DAB1: variants seen among roughly 807,000 people sequenced by gnomAD.
DAB1 encodes the protein DAB adaptor protein 1.
In DAB1, 15 loss-of-function variants were observed where a neutral mutation model predicts 64.6. The observed-to-expected ratio is 0.23, with a 90% confidence interval of 0.16 to 0.36. The LOEUF (loss-of-function observed/expected upper bound fraction) is 0.36. Ranked by LOEUF, DAB1 falls within the 10% of genes least tolerant of loss-of-function variation. DAB1 has a pLI of 1.00. For synonymous variants in DAB1, 235 were observed against 251.9 expected (o/e 0.93, Z 0.64); for missense variants, 596 against 706.7 (o/e 0.84, Z 1.78).
At chr1:57,534,776 C>CTGATTTGAAAA (rs1185420196) in intron 7 of DAB1, among the ~76,000 whole-genome samples, 1 of 152,086 alleles carries the variant, frequency 6.6e-6, no homozygotes, top group African/African-American at 2.4e-5. Flanking sequence ...CTTTGAAAAG[C>CTGATTTGAAAA]GTAAATGAGA....
At chr1:57,753,092 C>T (rs1648630405) in intron 6 of DAB1, among the ~76,000 whole-genome samples, 3 of 152,168 alleles carry the variant, frequency 2.0e-5, no homozygotes, top group African/African-American at 7.2e-5. Flanking sequence ...CAGCTGTGTT[C>T]TGCCTGAGTC....
intron 4 of DAB1, among the ~76,000 whole-genome samples, chr1:58,231,253 G>A (rs928714565): frequency 6.6e-6 from 1 of 152,154 alleles, no homozygotes; most frequent in Non-Finnish European, 1.5e-5. Context: ...ATGAAACTTA[G>A]AGCTCTTTCA....
rs1442137880 is a variant in DAB1 at position 57,800,574 on chromosome 1, G to T, written n.551+83425C>A. The stretch of plus-strand genomic sequence containing the variant: ...TTCCCCATGCGATGGTAACACAGAA[G>T]GTGGGAGCTCCAACAGTCAAAATGA... On this transcript the variant is annotated intron_variant and non_coding_transcript_variant, in intron 6 of 20. Transcript: ENST00000485760. Among the ~76,000 whole-genome samples, 6 of 152,310 alleles carry T rather than the reference G, an allele frequency of 3.9e-5. No individual in the cohort carries two copies. The South Asian group carries it at 6.2e-4, about 16-fold the overall frequency.
chr1:57,497,290 T>C (rs1428840989), intron 7 of DAB1, among the ~76,000 whole-genome samples: 1 of 152,260 alleles, frequency 6.6e-6, no homozygotes, highest in Middle Eastern at 3.2e-3. Context: ...ATTTCTTTTC[T>C]ACTATGATGC....
At position 57,769,291 on chromosome 1, in the gene DAB1, T is replaced by C. The variant is rs562966449; in HGVS notation, n.551+114708A>G. Among the ~76,000 whole-genome samples, 8 of 152,280 alleles carry C rather than the reference T, an allele frequency of 5.3e-5. No individual in the cohort carries two copies. The South Asian group carries it at 8.3e-4, about 16-fold the overall frequency. On this transcript the variant is annotated intron_variant and non_coding_transcript_variant, in intron 6 of 20. Coordinates refer to the DAB1 transcript ENST00000485760. Reference sequence around the variant, plus strand: ...ATTCTCCTGTCCTCCTCTGCCCCCATTGACCACAAAGACCAACCACTAGTA... The same window carrying C: ...ATTCTCCTGTCCTCCTCTGCCCCCACTGACCACAAAGACCAACCACTAGTA...
At chr1:57,334,957 C>T (rs570523205) in intron 1 of DAB1, among the ~76,000 whole-genome samples, 3 of 152,120 alleles carry the variant, frequency 2.0e-5, no homozygotes, top group Admixed American at 6.5e-5. Flanking sequence ...TAGCTAGAAA[C>T]CAGAGAACTA....
intron 7 of DAB1, among the ~76,000 whole-genome samples, chr1:57,454,343 T>C (rs1452600272): frequency 6.6e-6 from 1 of 152,176 alleles, no homozygotes; most frequent in Non-Finnish European, 1.5e-5. Context: ...AATGAGATCA[T>C]GTCTTCTGTG....
At chr1:57,441,282 CT>C (rs754971107) in intron 7 of DAB1, among the ~76,000 whole-genome samples, 5 of 37,014 alleles carry the variant, frequency 1.4e-4, no homozygotes, top group African/African-American at 3.1e-4. Flanking sequence ...CTCTTTCTTT[CT>C]TTCTTTCTTT....
At chr1:58,107,984 C>A (rs920060061) in intron 5 of DAB1, among the ~76,000 whole-genome samples, 1 of 152,086 alleles carries the variant, frequency 6.6e-6, no homozygotes, top group East Asian at 1.9e-4. Context: ...ATGGGGAAAT[C>A]TGAAGGACCC....
chr1:57,072,350 C>T lies in DAB1; in HGVS notation c.371G>A (p.Arg124Gln). ...SYIAKDITDHRAFGYVCGKEG... is the reference protein window; with the variant it reads ...SYIAKDITDHQAFGYVCGKEG... ...CTTCCCACAAACATATCCAAAGGCC[C>T]GGTGATCTGTAATGTCCTTTGCAAT... Residue 124 changes from arginine (R) to glutamine (Q), a missense_variant, in exon 5 of 15, where the codon CGG becomes CAG. Around this residue, in one of 3 missense-constraint regions of DAB1, gnomAD observed 176 missense variants for 266.7 expected, o/e 0.66. Coordinates refer to ENST00000371236, the MANE Select transcript of DAB1 (RefSeq NM_001365792.1). 6.2e-7 allele frequency: 1 copy of T among 1,613,736 alleles called. No homozygotes were observed.
intron 3 of DAB1, among the ~76,000 whole-genome samples, chr1:58,435,252 T>C (rs1265812404): frequency 6.6e-6 from 1 of 152,156 alleles, no homozygotes; most frequent in Non-Finnish European, 1.5e-5. Flanking sequence ...TAGAACTTTT[T>C]TTCTGTTCAG....
rs540456648 is a variant in DAB1 at position 57,401,500 on chromosome 1, G to A, written c.-137+22430C>T. Among the ~76,000 whole-genome samples the A allele has an allele frequency of 3.3e-5, 5 of 152,312 alleles. No homozygotes were observed. In the South Asian group the frequency reaches 1.0e-3, roughly 32 times the overall value. On this transcript the variant is annotated intron_variant, in intron 1 of 14. Coordinates refer to ENST00000371236, the MANE Select transcript of DAB1 (RefSeq NM_001365792.1). ...ATCTGTCAAAAGTACAGTAGGAACA[G>A]GGATGGAGAGAGCTTAGGTCTGGGA...
At chr1:57,495,015 C>A (rs1330708656) in intron 7 of DAB1, among the ~76,000 whole-genome samples, 1 of 152,154 alleles carries the variant, frequency 6.6e-6, no homozygotes, top group African/African-American at 2.4e-5. Context: ...CAGCCTGGAA[C>A]ACTGAGCTGA....
chr1:58,009,592 C>T (rs1379731858), intron 5 of DAB1, among the ~76,000 whole-genome samples: 1 of 152,150 alleles, frequency 6.6e-6, no homozygotes, highest in African/African-American at 2.4e-5. Context: ...AAAGGCTCTG[C>T]TCTTCTTCCA....
chr1:58,459,398 A>AGAGATTATC (rs1645221617), intron 3 of DAB1, among the ~76,000 whole-genome samples: 1 of 152,204 alleles, frequency 6.6e-6, no homozygotes, highest in Non-Finnish European at 1.5e-5. Flanking sequence ...AGGATAATCA[A>AGAGATTATC]CTTGCAAGAG....
At chr1:57,375,700 C>T (rs1680838550) in intron 1 of DAB1, among the ~76,000 whole-genome samples, 1 of 152,170 alleles carries the variant, frequency 6.6e-6, no homozygotes, top group Non-Finnish European at 1.5e-5. Context: ...CTGCCATGAC[C>T]CTGCCCTAAC....
intron 2 of DAB1, among the ~76,000 whole-genome samples, chr1:57,285,660 CAAG>C (rs1203191701): frequency 1.3e-5 from 2 of 152,156 alleles, no homozygotes; most frequent in African/African-American, 4.8e-5. Flanking sequence ...AAACCAGGCT[CAAG>C]GAGGCTAATT....
chr1:58,170,936 G>A (rs1413816771), intron 4 of DAB1, among the ~76,000 whole-genome samples: 2 of 152,164 alleles, frequency 1.3e-5, no homozygotes, highest in Non-Finnish European at 2.9e-5. Flanking sequence ...CCTGGACACT[G>A]GTGCAGCCTT....
chr1:57,707,163 C>A (rs1446710289), intron 6 of DAB1, among the ~76,000 whole-genome samples: 1 of 152,170 alleles, frequency 6.6e-6, no homozygotes, highest in African/African-American at 2.4e-5. Context: ...CTACCCCCAA[C>A]TCTACTCCAC....
Sources: allele counts gnomAD v4.1 joint callset (sites outside exome capture counted in the v4.1 genomes callset), GRCh38; gene constraint gnomAD v4.1.1; regional missense constraint gnomAD v4.1.1; transcripts MANE v1.5; gene names NCBI Gene and HGNC (gene_info 2026-07-23, HGNC 2026-07-21).